The following CSMD1 variants were observed in gnomAD, a reference collection of about 807,000 sequenced individuals.
The protein encoded by CSMD1 is CUB and sushi domain-containing protein 1.
In CSMD1, 213 loss-of-function variants were observed where a neutral mutation model predicts 417.5. The observed-to-expected ratio is 0.51, with a 90% CI of 0.46 to 0.57. The LOEUF is 0.57. Ranked by LOEUF, CSMD1 falls within the 20% of genes least tolerant of loss-of-function variation. CSMD1 has a pLI of 0.00. For synonymous variants in CSMD1, 2,862 were observed against 1,736.8 expected, an observed-to-expected ratio of 1.65 and a Z score of -16.11; for missense variants, 6,923 against 4,529.7, an observed-to-expected ratio of 1.53 and a Z score of -15.17.
intron 3 of CSMD1, among the ~76,000 whole-genome samples, chr8:4,163,515 T>C (rs76519096): frequency 0.032 from 4,860 of 152,292 alleles, 214 homozygotes; most frequent in East Asian, 0.1. Context: ...AGACATTGTT[T>C]TGTGAAATAT....
In CSMD1 at chr8:4,611,287, T is replaced by C. The variant is rs145740523; in HGVS notation, c.302+26055A>G. On this transcript the variant is annotated intron_variant, in intron 2 of 69. Coordinates refer to ENST00000635120, the MANE Select transcript of CSMD1 (RefSeq NM_033225.6). ...ATCCTGTGTTGTGAAAACCTTTTCATACCAATAAATATGAAAGTTTGTATT... is the reference window on the plus strand; with the variant it reads ...ATCCTGTGTTGTGAAAACCTTTTCACACCAATAAATATGAAAGTTTGTATT... Among the ~76,000 whole-genome samples, 1,476 of 152,332 alleles carry C rather than the reference T, an allele frequency of 9.7e-3. 20 individuals are homozygous for C. The highest frequency in any genetic ancestry group is 0.058 in the Middle Eastern group (17 of 294).
At chr8:4,974,402 T>C (rs937182295) in intron 1 of CSMD1, among the ~76,000 whole-genome samples, 1 of 152,166 alleles carries the variant, frequency 6.6e-6, no homozygotes, top group African/African-American at 2.4e-5. Context: ...TTATCTCCAA[T>C]ATTTATATTT....
intron 3 of CSMD1, among the ~76,000 whole-genome samples, chr8:4,193,686 A>C (rs551609393): frequency 6.6e-6 from 1 of 152,160 alleles, no homozygotes. Context: ...CAGCTCAACA[A>C]AGATAAAAAT....
At chr8:3,812,533 A>T (rs575143250) in intron 5 of CSMD1, among the ~76,000 whole-genome samples, 2 of 152,224 alleles carry the variant, frequency 1.3e-5, no homozygotes, top group Admixed American at 1.3e-4. Flanking sequence ...AAGAGTTCAA[A>T]AGCTAAGCTG....
At chr8:4,085,729 C>T (rs1412998713) in intron 3 of CSMD1, among the ~76,000 whole-genome samples, 4 of 152,012 alleles carry the variant, frequency 2.6e-5, no homozygotes, top group African/African-American at 9.7e-5. Context: ...TGGAAATGAC[C>T]TAATAGTAAA....
chr8:4,029,385 G>A (rs938260136), intron 4 of CSMD1, among the ~76,000 whole-genome samples: 2 of 152,204 alleles, frequency 1.3e-5, no homozygotes, highest in African/African-American at 4.8e-5. Context: ...GGCTGGGGAA[G>A]CCTCACAATC....
rs372505898 is a variant in CSMD1 at position 4,808,101 on chromosome 8, C to T, written c.86-170543G>A. ...ATGTCCTTATTAGCATGCTTACTTG[C>T]AATTATGTTTCCTGGGTGCTACACA... On this transcript the variant is annotated intron_variant, in intron 1 of 69. Transcript: ENST00000635120. 3.9e-5 allele frequency among the ~76,000 whole-genome samples: 6 copies of T among 152,254 alleles called. No homozygotes were observed. In the East Asian group the frequency reaches 1.2e-3, roughly 29 times the overall value.
At chr8:4,705,187 C>T (rs1584970940) in intron 1 of CSMD1, among the ~76,000 whole-genome samples, 1 of 152,108 alleles carries the variant, frequency 6.6e-6, no homozygotes, top group African/African-American at 2.4e-5. Context: ...TTCCTGAGGC[C>T]TTCCCACCCA....
chr8:4,683,640 A>G (rs1341403572), intron 1 of CSMD1, among the ~76,000 whole-genome samples: 1 of 152,224 alleles, frequency 6.6e-6, no homozygotes, highest in African/African-American at 2.4e-5. Context: ...CCTCGCAGAG[A>G]AGGCGGCCCT....
chr8:3,506,560 T>C lies in CSMD1; in HGVS notation c.1345-12834A>G, dbSNP rs576746160. Reference sequence around the variant, plus strand: ...ACTTTACGTTTCATTCATTCCCTCATCTTTCATTCATCTTCAACCACGCCT... The same window carrying C: ...ACTTTACGTTTCATTCATTCCCTCACCTTTCATTCATCTTCAACCACGCCT... On this transcript the variant is annotated intron_variant, in intron 10 of 69. Transcript: ENST00000635120. 2.6e-5 allele frequency among the ~76,000 whole-genome samples: 4 copies of C among 152,334 alleles called. No homozygotes were observed. The South Asian group carries it at 8.3e-4, about 32-fold the overall frequency.
intron 1 of CSMD1, among the ~76,000 whole-genome samples, chr8:4,769,907 T>A (rs1298008231): frequency 6.6e-6 from 1 of 152,158 alleles, no homozygotes; most frequent in Non-Finnish European, 1.5e-5. Flanking sequence ...AAATCATGAA[T>A]CCTCATGATT....
intron 40 of CSMD1, 135 bp from the exon 41 acceptor site, chr8:3,142,809 C>T (rs1165607695): frequency 2.7e-5 from 21 of 788,400 alleles, no homozygotes; most frequent in East Asian, 1.0e-4. Context: ...CCGTGGAGGA[C>T]GGCATTCACT....
At chr8:4,133,953 T>C (rs1294388748) in intron 3 of CSMD1, among the ~76,000 whole-genome samples, 1 of 152,182 alleles carries the variant, frequency 6.6e-6, no homozygotes, top group Non-Finnish European at 1.5e-5. Flanking sequence ...TTTCAGGTCA[T>C]GCAAACAAAC....
intron 5 of CSMD1, among the ~76,000 whole-genome samples, chr8:3,916,239 T>C (rs1006067656): frequency 3.3e-5 from 5 of 152,078 alleles, no homozygotes; most frequent in African/African-American, 1.2e-4. Flanking sequence ...TTATGAGGTG[T>C]AACGAAAATA....
chr8:4,292,537 G>A (rs79281187), intron 3 of CSMD1, among the ~76,000 whole-genome samples: 4 of 152,204 alleles, frequency 2.6e-5, no homozygotes, highest in East Asian at 1.9e-4. Context: ...CAGCCCAGGC[G>A]TGAGCCACCG....
At chr8:3,286,851 G>T (rs1176876332) in intron 25 of CSMD1, among the ~76,000 whole-genome samples, 9 of 152,016 alleles carry the variant, frequency 5.9e-5, no homozygotes, top group Non-Finnish European at 1.2e-4. Flanking sequence ...GTCAATTTTG[G>T]CTTTTGTTGC....
intron 1 of CSMD1, among the ~76,000 whole-genome samples, chr8:4,775,635 C>A (rs1001404838): frequency 1.3e-5 from 2 of 152,104 alleles, no homozygotes; most frequent in Admixed American, 6.5e-5. Context: ...TTAGACAACA[C>A]TTTTATTTTC....
intron 6 of CSMD1, among the ~76,000 whole-genome samples, chr8:3,716,818 A>G (rs1801869145): frequency 6.6e-6 from 1 of 152,180 alleles, no homozygotes; most frequent in Admixed American, 6.5e-5. Context: ...ATCCGATGGA[A>G]GTATGGTAGT....
At chr8:4,633,227 G>C (rs553336645) in intron 2 of CSMD1, among the ~76,000 whole-genome samples, 1 of 151,732 alleles carries the variant, frequency 6.6e-6, no homozygotes, top group Non-Finnish European at 1.5e-5. Flanking sequence ...TAATGGAAAG[G>C]TGTTTTTTTA....
Sources: gnomAD v4.1 joint callset for allele counts (sites outside exome capture counted in the v4.1 genomes callset) on GRCh38, gnomAD v4.1.1 for gene constraint, MANE v1.5 for transcripts, NCBI Gene and HGNC (gene_info 2026-07-23, HGNC 2026-07-21) for gene names.